APBB2: variants seen among roughly 807,000 people sequenced by gnomAD.
APBB2 encodes Fe65-like 1.
Under a neutral mutation model 82.5 loss-of-function variants are expected in APBB2, and 38 were observed. That is an observed-to-expected ratio of 0.46 (90% CI 0.36 to 0.60). APBB2 has a LOEUF of 0.60. Ranked by LOEUF, APBB2 falls within the 20% of genes least tolerant of loss-of-function variation. The pLI, the probability that APBB2 is intolerant of heterozygous loss-of-function variation, is 0.00. For missense variants in APBB2, 772 were observed against 972.3 expected, an observed-to-expected ratio of 0.79 and a Z score of 2.74; for synonymous variants, 341 against 368.2, an observed-to-expected ratio of 0.93 and a Z score of 0.85.
intron 4 of APBB2, among the ~76,000 whole-genome samples, chr4:41,034,190 A>G (rs1023276307): frequency 3.3e-5 from 5 of 152,246 alleles, no homozygotes; most frequent in Admixed American, 3.3e-4. Context: ...TCTGAAGTCA[A>G]AAGACCAGTA....
At chr4:41,141,330 GTC>G (rs1759110282) in intron 2 of APBB2, among the ~76,000 whole-genome samples, 3 of 100,750 alleles carry the variant, frequency 3.0e-5, no homozygotes, top group African/African-American at 6.7e-5. Flanking sequence ...GTGTGTGTGT[GTC>G]TGTGTGTGTG....
At chr4:40,896,681 C>T (rs1773752894) in intron 10 of APBB2, among the ~76,000 whole-genome samples, 1 of 152,188 alleles carries the variant, frequency 6.6e-6, no homozygotes, top group Non-Finnish European at 1.5e-5. Context: ...GACCACATGT[C>T]CCAATTTTCC....
intron 6 of APBB2, among the ~76,000 whole-genome samples, chr4:40,963,403 C>A (rs1201846090): frequency 6.6e-6 from 1 of 152,148 alleles, no homozygotes; most frequent in African/African-American, 2.4e-5. Context: ...TGCACCATCA[C>A]ACCCAACTAT....
chr4:41,049,575 C>T (rs560537836), intron 4 of APBB2, among the ~76,000 whole-genome samples: 7 of 151,964 alleles, frequency 4.6e-5, no homozygotes, highest in African/African-American at 7.2e-5. Context: ...TCTGCCCAAC[C>T]GCCCCTTCTG....
At chr4:41,113,439 C>A (rs1749904620) in intron 2 of APBB2, among the ~76,000 whole-genome samples, 2 of 152,052 alleles carry the variant, frequency 1.3e-5, no homozygotes, top group Admixed American at 6.5e-5. Flanking sequence ...GACAATTTGA[C>A]TAAATTGTCA....
chr4:41,021,335 GT>G (rs1811441311), intron 5 of APBB2, among the ~76,000 whole-genome samples: 1 of 152,222 alleles, frequency 6.6e-6, no homozygotes, highest in Non-Finnish European at 1.5e-5. Flanking sequence ...GGGGTGTCCT[GT>G]TTAGAGGGGG....
intron 10 of APBB2, among the ~76,000 whole-genome samples, chr4:40,898,107 C>T (rs1774217408): frequency 6.6e-6 from 1 of 152,184 alleles, no homozygotes; most frequent in Non-Finnish European, 1.5e-5. Context: ...AGTTAAGTCA[C>T]TTCAGGTCTC....
chr4:40,938,294 A>G (rs555382947), intron 7 of APBB2, among the ~76,000 whole-genome samples: 1 of 152,234 alleles, frequency 6.6e-6, no homozygotes, highest in African/African-American at 2.4e-5. Context: ...GTTCTGGGAG[A>G]GCCTTGGAGC....
chr4:41,144,260 A>C (rs1760067778), intron 1 of APBB2, among the ~76,000 whole-genome samples: 1 of 152,186 alleles, frequency 6.6e-6, no homozygotes, highest in South Asian at 2.1e-4. Context: ...ATTAATCTCT[A>C]CCTTCAGTTG....
In APBB2 at chr4:41,159,970, A is replaced by G. The variant is rs187172393; in HGVS notation, c.-416-16828T>C. On this transcript the variant is annotated intron_variant, in intron 1 of 17. Transcript: ENST00000508593. ...GAAGGAGAAGGAGAAGGAGAAGAAGAAGAAGAAGAAGAAGAAGAAGAAGAA... is the reference window on the plus strand; with the variant it reads ...GAAGGAGAAGGAGAAGGAGAAGAAGGAGAAGAAGAAGAAGAAGAAGAAGAA... Among the ~76,000 whole-genome samples, 492 of 82,858 alleles carry G rather than the reference A, an allele frequency of 5.9e-3. 18 individuals are homozygous for G. Among genetic ancestry groups the G allele is most frequent in the Non-Finnish European group, 7.6e-3 (296 of 39,138 alleles). The allele number at this position is 82,858 out of a possible 152,430, so 54.4% of individuals were successfully genotyped here. A position where few individuals can be genotyped will look rare whatever the true frequency, so the allele number is the denominator to read the frequency against.
At chr4:41,145,365 C>G (rs1021372027) in intron 1 of APBB2, among the ~76,000 whole-genome samples, 22 of 152,158 alleles carry the variant, frequency 1.4e-4, no homozygotes, top group African/African-American at 5.3e-4. Flanking sequence ...AATGAGAGTC[C>G]AGACCATTTG....
intron 4 of APBB2, among the ~76,000 whole-genome samples, chr4:41,055,574 T>C (rs1287515901): frequency 1.3e-5 from 2 of 152,164 alleles, no homozygotes; most frequent in Non-Finnish European, 2.9e-5. Flanking sequence ...TCCACTGCAA[T>C]CCTGACCTTG....
intron 13 of APBB2, 35 bp from the exon 14 acceptor site, chr4:40,827,254 T>C: frequency 6.3e-7 from 1 of 1,588,394 alleles, no homozygotes; most frequent in Non-Finnish European, 8.6e-7. Context: ...GGAGCGTGGG[T>C]TCAAGCCCCC....
At chr4:40,883,658 C>G (rs1362949638) in intron 12 of APBB2, among the ~76,000 whole-genome samples, 3 of 150,020 alleles carry the variant, frequency 2.0e-5, no homozygotes, top group Non-Finnish European at 4.4e-5. Context: ...CTTTCAGGGA[C>G]CCCCGAATGC....
At chr4:40,959,952 G>A (rs1291248798) in intron 6 of APBB2, among the ~76,000 whole-genome samples, 6 of 152,228 alleles carry the variant, frequency 3.9e-5, no homozygotes, top group African/African-American at 1.2e-4. Flanking sequence ...CTTGATCGAG[G>A]TTAGGAAAAT....
intron 6 of APBB2, among the ~76,000 whole-genome samples, chr4:40,978,351 A>G (rs76033353): frequency 0.025 from 3,877 of 152,324 alleles, 163 homozygotes; most frequent in African/African-American, 0.087. Context: ...ATGTGCATCT[A>G]CAAGATTTGT....
At chr4:41,113,189 T>C (rs929917612) in intron 2 of APBB2, among the ~76,000 whole-genome samples, 2 of 152,176 alleles carry the variant, frequency 1.3e-5, no homozygotes, top group Non-Finnish European at 2.9e-5. Flanking sequence ...GGCACCAACC[T>C]GATGAGAGAA....
chr4:40,825,863 A>G (rs375709120), intron 15 of APBB2, 24 bp downstream of exon 15: 18 of 1,605,544 alleles, frequency 1.1e-5, no homozygotes, highest in Non-Finnish European at 1.5e-5. Context: ...TGCAAAGTGG[A>G]AAGACAATAA....
intron 6 of APBB2, among the ~76,000 whole-genome samples, chr4:41,008,063 C>T (rs571180612): frequency 8.5e-5 from 13 of 152,344 alleles, no homozygotes; most frequent in Non-Finnish European, 1.5e-4. Context: ...GAAAGATCCC[C>T]TAAAATATAA....
Sources: gnomAD v4.1 joint callset for allele counts (sites outside exome capture counted in the v4.1 genomes callset) on GRCh38, gnomAD v4.1.1 for gene constraint, MANE v1.5 for transcripts, NCBI Gene and HGNC (gene_info 2026-07-23, HGNC 2026-07-21) for gene names.